FMN1: variants seen among roughly 807,000 people sequenced by gnomAD.
The protein encoded by FMN1 is formin 1.
FMN1 carries 110 observed loss-of-function variants against 132.4 expected under a neutral mutation model. The ratio of observed to expected loss-of-function variants is 0.83; its 90% CI spans 0.71 to 0.97. FMN1 has a LOEUF of 0.97. FMN1 is among the 50% of genes least tolerant of loss of function. The pLI is 0.00. For missense variants in FMN1, 1,792 were observed against 1,705.3 expected (o/e 1.05, Z -0.90); for synonymous variants, 722 against 651.7 (o/e 1.11, Z -1.64).
At chr15:33,058,474 C>T (rs538228017) in intron 6 of FMN1, among the ~76,000 whole-genome samples, 1 of 152,340 alleles carries the variant, frequency 6.6e-6, no homozygotes, top group South Asian at 2.1e-4. Flanking sequence ...CATTTTACTA[C>T]ACAAACTGTG....
chr15:33,039,938 T>C (rs2036352984), intron 6 of FMN1, among the ~76,000 whole-genome samples: 1 of 152,196 alleles, frequency 6.6e-6, no homozygotes, highest in Non-Finnish European at 1.5e-5. Flanking sequence ...ATATCCATCC[T>C]TGGTATTTCT....
At chr15:33,106,446 G>A (rs1323888693) in intron 4 of FMN1, among the ~76,000 whole-genome samples, 1 of 151,714 alleles carries the variant, frequency 6.6e-6, no homozygotes, top group Non-Finnish European at 1.5e-5. Flanking sequence ...AAATCTATTA[G>A]CTTTTAGAGG....
intron 16 of FMN1, among the ~76,000 whole-genome samples, chr15:32,870,267 C>T (rs2059485322): frequency 6.6e-6 from 1 of 152,200 alleles, no homozygotes. Flanking sequence ...TCTAGGGCTA[C>T]TTTGATCACG....
chr15:33,094,960 A>C (rs1040587456), intron 4 of FMN1, among the ~76,000 whole-genome samples: 4 of 152,230 alleles, frequency 2.6e-5, no homozygotes, highest in Non-Finnish European at 5.9e-5. Flanking sequence ...GAGACATTAA[A>C]AGCCTCCGTC....
At chr15:32,900,304 T>C in intron 13 of FMN1, 179 bp from the exon 14 acceptor site, 2 of 716,448 alleles carry the variant, frequency 2.8e-6, no homozygotes, top group Admixed American at 4.0e-5. Context: ...ACAAACACAT[T>C]AACAGCCATT....
intron 7 of FMN1, among the ~76,000 whole-genome samples, chr15:32,976,436 G>T (rs925256510): frequency 6.6e-6 from 1 of 152,112 alleles, no homozygotes; most frequent in East Asian, 1.9e-4. Flanking sequence ...TTTGAAGGCT[G>T]TCCAGAGACT....
intron 6 of FMN1, among the ~76,000 whole-genome samples, chr15:33,019,606 G>C (rs1156697211): frequency 6.6e-6 from 1 of 152,196 alleles, no homozygotes; most frequent in Admixed American, 6.5e-5. Flanking sequence ...GCGAGCTGGA[G>C]GTCCCGAGCC....
intron 5 of FMN1, among the ~76,000 whole-genome samples, chr15:33,077,326 C>T (rs1376631256): frequency 2.0e-5 from 3 of 148,452 alleles, no homozygotes; most frequent in Non-Finnish European, 3.0e-5. Flanking sequence ...TGAGCCACTG[C>T]GCCCGGCCCA....
chr15:32,785,218 A>ATATATATATTTTTTTTTTT (rs1444523400), intron 19 of FMN1, among the ~76,000 whole-genome samples: 8 of 39,202 alleles, frequency 2.0e-4, no homozygotes, highest in African/African-American at 2.4e-4. Flanking sequence ...ATATATATAT[A>ATATATATATTTTTTTTTTT]TTTTTTTTTT....
At chr15:32,922,670 T>C (rs2060860934) in intron 10 of FMN1, among the ~76,000 whole-genome samples, 1 of 152,208 alleles carries the variant, frequency 6.6e-6, no homozygotes, top group Non-Finnish European at 1.5e-5. Flanking sequence ...CACAAAACTG[T>C]TATCAAGGTG....
chr15:33,070,859 G>A (rs1169004435), intron 5 of FMN1, among the ~76,000 whole-genome samples: 1 of 152,140 alleles, frequency 6.6e-6, no homozygotes, highest in Non-Finnish European at 1.5e-5. Flanking sequence ...ATTATGAGTT[G>A]TTATTATTAT....
intron 20 of FMN1, 106 bp from the exon 21 acceptor site, chr15:32,774,460 A>C: frequency 1.2e-6 from 1 of 858,250 alleles, no homozygotes; most frequent in Non-Finnish European, 1.9e-6. Flanking sequence ...GAATTGTGCC[A>C]AATGGCCTAG....
chr15:33,089,063 T>TCTCTATG, intron 4 of FMN1, 89 bp from the exon 5 acceptor site: 1 of 1,021,850 alleles, frequency 9.8e-7, no homozygotes, highest in East Asian at 2.6e-5. Flanking sequence ...TACATAGACT[T>TCTCTATG]CTCTATGCTA....
intron 4 of FMN1, among the ~76,000 whole-genome samples, chr15:33,113,932 G>C (rs1265140925): frequency 6.6e-6 from 1 of 152,174 alleles, no homozygotes; most frequent in East Asian, 1.9e-4. Flanking sequence ...CCACAAGTGT[G>C]GGAAACCAGA....
At chr15:32,811,037 G>A (rs777106275) in intron 17 of FMN1, 7 of 456,462 alleles carry the variant, frequency 1.5e-5, no homozygotes, top group Non-Finnish European at 2.2e-5. Flanking sequence ...GAAAATCCCC[G>A]TTGTGCACTT....
intron 6 of FMN1, among the ~76,000 whole-genome samples, chr15:33,008,358 C>T (rs929036936): frequency 1.3e-5 from 2 of 151,956 alleles, no homozygotes; most frequent in African/African-American, 4.8e-5. Context: ...CAGATAAACA[C>T]TAGGTCAGGA....
At chr15:33,108,062 C>T (rs2039552711) in intron 4 of FMN1, among the ~76,000 whole-genome samples, 1 of 151,972 alleles carries the variant, frequency 6.6e-6, no homozygotes, top group Non-Finnish European at 1.5e-5. Flanking sequence ...GGTTCAGCTC[C>T]AGTAAGAAAG....
At chr15:32,885,370 T>C (rs2059871414) in intron 16 of FMN1, among the ~76,000 whole-genome samples, 1 of 152,206 alleles carries the variant, frequency 6.6e-6, no homozygotes, top group Non-Finnish European at 1.5e-5. Context: ...ATGCCAAAAC[T>C]TTCTGTCTGA....
intron 6 of FMN1, chr15:33,012,616 C>G: frequency 2.0e-6 from 2 of 1,021,038 alleles, no homozygotes; most frequent in Admixed American, 1.7e-5. Flanking sequence ...TCAGAAATAC[C>G]ACACTGCAAA....
Sources: allele counts gnomAD v4.1 joint callset (sites outside exome capture counted in the v4.1 genomes callset), GRCh38; gene constraint gnomAD v4.1.1; transcripts MANE v1.5; gene names NCBI Gene and HGNC (gene_info 2026-07-23, HGNC 2026-07-21).